Variants in ASTN2 observed in about 807,000 individuals in gnomAD.
The protein encoded by ASTN2 is astrotactin 2.
In ASTN2, 54 loss-of-function variants were observed where a neutral mutation model predicts 139.8. That is an observed-to-expected ratio of 0.39 (90% confidence interval 0.31 to 0.48). ASTN2 has a LOEUF of 0.48. Among genes scored for constraint, ASTN2 ranks in the 20% least tolerant of loss-of-function variants. The pLI, the probability that ASTN2 is intolerant of heterozygous loss-of-function variation, is 0.95. For synonymous variants in ASTN2, 756 were observed against 719.5 expected (o/e 1.05, Z -0.81); for missense variants, 1,565 against 1,725.1 (o/e 0.91, Z 1.64).
At chr9:116,685,943 G>T (rs1033330164) in intron 16 of ASTN2, among the ~76,000 whole-genome samples, 4 of 151,824 alleles carry the variant, frequency 2.6e-5, no homozygotes, top group Non-Finnish European at 5.9e-5. Context: ...TATACTTTGG[G>T]CTGATAACTG....
At chr9:116,861,908 C>T (rs1832891461) in intron 11 of ASTN2, among the ~76,000 whole-genome samples, 1 of 151,458 alleles carries the variant, frequency 6.6e-6, no homozygotes, top group Admixed American at 6.6e-5. Context: ...ATTCCAATGA[C>T]ATTGCTTGAG....
At chr9:116,537,117 C>A (rs1233436043) in intron 19 of ASTN2, among the ~76,000 whole-genome samples, 1 of 152,164 alleles carries the variant, frequency 6.6e-6, no homozygotes, top group Admixed American at 6.5e-5. Flanking sequence ...GCTGTGCTAG[C>A]AATGAGTGAG....
In ASTN2 at chr9:117,414,850, G is replaced by A; in HGVS notation, c.89C>T (p.Pro30Leu). The A allele has an allele frequency of 2.7e-6, 3 of 1,127,506 alleles. No homozygotes were observed. Among genetic ancestry groups the A allele is most frequent in the Non-Finnish European group, 3.3e-6 (3 of 910,588 alleles). The allele number at this position is 1,127,506 out of a possible 1,614,324, so 69.8% of individuals were successfully genotyped here. Residue 30 changes from proline to leucine, a missense_variant, in exon 1 of 23, where the codon CCA becomes CTA. Around this residue, in one of 4 missense-constraint regions of ASTN2, gnomAD observed 596 missense variants for 576.8 expected, o/e 1.03. Coordinates refer to ENST00000313400, the MANE Select transcript of ASTN2 (RefSeq NM_001365068.1). The surrounding 1 kb of genome is among the most constrained non-coding windows in gnomAD (Gnocchi z 4.2). The stretch of plus-strand genomic sequence containing the variant: ...GAACAGCAGCAGCAGCGGCAGCAGT[G>A]GCGGCGGCCCCGGGTGGAAGCAGAG... ...PRLCFHPGPP[P>L]LLPLLLLFLL...
chr9:117,233,368 T>C (rs906156135), intron 2 of ASTN2, among the ~76,000 whole-genome samples: 4 of 152,172 alleles, frequency 2.6e-5, no homozygotes, highest in Non-Finnish European at 5.9e-5. Context: ...AATACCCCCT[T>C]AGCCTGATTT....
At chr9:117,151,359 C>G (rs774742954) in intron 3 of ASTN2, among the ~76,000 whole-genome samples, 7 of 152,122 alleles carry the variant, frequency 4.6e-5, no homozygotes, top group Non-Finnish European at 7.4e-5. Flanking sequence ...TGGCTCAGAA[C>G]TCCGTGGGAG....
intron 13 of ASTN2, among the ~76,000 whole-genome samples, chr9:116,741,149 G>A (rs111281893): frequency 6.6e-5 from 10 of 152,140 alleles, no homozygotes; most frequent in Admixed American, 2.0e-4. Flanking sequence ...GCTGCCTGCC[G>A]CCCCCTTTTA....
At chr9:117,377,764 T>C (rs1330377625) in intron 1 of ASTN2, among the ~76,000 whole-genome samples, 1 of 151,982 alleles carries the variant, frequency 6.6e-6, no homozygotes, top group Admixed American at 6.6e-5. Context: ...ATAATGTCAT[T>C]ACAAATAATG....
Position 116,820,668 on chromosome 9 carries a change from G to C in ASTN2, c.2156C>G (p.Thr719Arg). 1.2e-6 allele frequency: 2 copies of C among 1,614,184 alleles called. No homozygotes were observed. Among genetic ancestry groups the C allele is most frequent in the Non-Finnish European group, 1.7e-6 (2 of 1,180,030 alleles). The change falls in exon 12 of 23, where the codon ACG becomes AGG. Residue 719 changes from threonine (T) to arginine (R), a missense_variant. Thr to Arg is a moderately conservative substitution (Grantham distance 71). Around this residue, in one of 4 missense-constraint regions of ASTN2, gnomAD observed 503 missense variants for 591.7 expected, o/e 0.85. Transcript: ENST00000313400. ...AGTGGCATCGTAGGGCAGGGGCAGC[G>C]TCTGCTGCAGGCACAGCTGCTCACA... is the stretch of plus-strand genomic sequence containing the variant. Reference protein sequence around the residue: ...GGCEQLCLQQTLPLPYDATSS... With the variant: ...GGCEQLCLQQRLPLPYDATSS...
At chr9:116,978,417 C>T (rs1049788981) in intron 7 of ASTN2, among the ~76,000 whole-genome samples, 7 of 151,870 alleles carry the variant, frequency 4.6e-5, no homozygotes, top group African/African-American at 1.5e-4. Flanking sequence ...TCTTTCTCAT[C>T]TTCTTGTAAT....
chr9:116,926,618 G>T (rs1834763059), intron 10 of ASTN2, among the ~76,000 whole-genome samples: 1 of 152,104 alleles, frequency 6.6e-6, no homozygotes, highest in African/African-American at 2.4e-5. Context: ...TTTAAATATG[G>T]CATTTAATTA....
chr9:116,978,520 CACAG>C (rs936114222), intron 7 of ASTN2, among the ~76,000 whole-genome samples: 2 of 146,288 alleles, frequency 1.4e-5, no homozygotes, highest in Admixed American at 1.4e-4. Flanking sequence ...CACACACACA[CACAG>C]AGAGATAAAC....
intron 7 of ASTN2, among the ~76,000 whole-genome samples, chr9:116,999,842 G>A (rs897689624): frequency 7.9e-5 from 12 of 152,022 alleles, no homozygotes; most frequent in African/African-American, 2.7e-4. Flanking sequence ...TTACAGGAAC[G>A]AGCCACCATG....
At chr9:117,337,868 C>T (rs1304714990) in intron 1 of ASTN2, among the ~76,000 whole-genome samples, 10 of 152,142 alleles carry the variant, frequency 6.6e-5, no homozygotes, top group Admixed American at 6.5e-4. Flanking sequence ...TGCTCATGAC[C>T]TCGGGCAAGC....
intron 10 of ASTN2, among the ~76,000 whole-genome samples, chr9:116,872,750 T>A (rs1208630414): frequency 6.6e-6 from 1 of 151,280 alleles, no homozygotes; most frequent in East Asian, 2.0e-4. Flanking sequence ...ATAAATAGAG[T>A]GGGTTAAAGA....
chr9:116,645,505 T>C (rs1857545413), intron 17 of ASTN2, among the ~76,000 whole-genome samples: 2 of 152,098 alleles, frequency 1.3e-5, no homozygotes, highest in African/African-American at 4.8e-5. Context: ...TAGGGTCCAA[T>C]GGTCCCCAAG....
chr9:116,443,278 C>T (rs1847892310), intron 20 of ASTN2, among the ~76,000 whole-genome samples: 1 of 152,036 alleles, frequency 6.6e-6, no homozygotes, highest in African/African-American at 2.4e-5. Flanking sequence ...TCAGTAAGTA[C>T]AAAGGTCCTG....
chr9:116,805,161 CAG>C (rs1284039840), intron 13 of ASTN2, among the ~76,000 whole-genome samples: 2 of 145,268 alleles, frequency 1.4e-5, no homozygotes, highest in Non-Finnish European at 3.0e-5. Flanking sequence ...CAGGAAAAAA[CAG>C]AGAGAGAAAG....
chr9:116,669,197 G>A (rs576465609), intron 16 of ASTN2, among the ~76,000 whole-genome samples: 5 of 152,276 alleles, frequency 3.3e-5, no homozygotes, highest in Admixed American at 2.6e-4. Context: ...CCATGAACCA[G>A]AAGTTACCAC....
At chr9:117,289,131 A>G (rs571925434) in intron 2 of ASTN2, among the ~76,000 whole-genome samples, 5 of 152,252 alleles carry the variant, frequency 3.3e-5, no homozygotes, top group African/African-American at 1.2e-4. Context: ...GAGGAAGAAC[A>G]CCCTGGGGTT....
Sources: gnomAD v4.1 joint callset for allele counts (sites outside exome capture counted in the v4.1 genomes callset) on GRCh38, gnomAD v4.1.1 for gene constraint, gnomAD v4.1.1 regional missense constraint, Gnocchi (gnomAD v3.1) non-coding constraint, MANE v1.5 for transcripts, NCBI Gene and HGNC (gene_info 2026-07-23, HGNC 2026-07-21) for gene names.